Variants in MICAL3 observed in about 807,000 individuals in gnomAD.
MICAL3 encodes the protein microtubule associated monooxygenase, calponin and LIM domain containing 3.
In MICAL3, 62 loss-of-function variants were observed where a neutral mutation model predicts 207.4. The ratio of observed to expected loss-of-function variants is 0.30; its 90% CI spans 0.24 to 0.37. MICAL3 has a LOEUF of 0.37. MICAL3 is among the 10% of genes least tolerant of loss of function. MICAL3 has a pLI of 1.00. For missense variants in MICAL3, 2,368 were observed against 2,635.6 expected (o/e 0.90, Z 2.22); for synonymous variants, 1,077 against 1,069.3 (o/e 1.01, Z -0.14).
chr22:17,875,005 G>C (rs1282413904), intron 16 of MICAL3, among the ~76,000 whole-genome samples: 1 of 152,182 alleles, frequency 6.6e-6, no homozygotes, highest in Non-Finnish European at 1.5e-5. Flanking sequence ...TGACAGCCGC[G>C]TACATTCCTC....
At chr22:17,963,387 C>A (rs761497154) in intron 1 of MICAL3, among the ~76,000 whole-genome samples, 1 of 152,116 alleles carries the variant, frequency 6.6e-6, no homozygotes, top group Non-Finnish European at 1.5e-5. Context: ...GAAATGACAG[C>A]CATCTCCATT....
At chr22:17,830,050 C>T (rs1026554159) in intron 21 of MICAL3, among the ~76,000 whole-genome samples, 3 of 152,086 alleles carry the variant, frequency 2.0e-5, no homozygotes, top group African/African-American at 7.2e-5. Flanking sequence ...AAGGTGGGCA[C>T]GGGGTAAAGT....
Position 17,841,721 on chromosome 22 carries a change from C to G in MICAL3, c.2801+101G>C, listed in dbSNP as rs1924028082. ...AATGGACTGCGGGCAGCAGGAAAGA[C>G]AGGAGGCCTCCCTTCACTGAGAAGA... On this transcript the variant is annotated intron_variant, in intron 20 of 31. Coordinates refer to ENST00000441493, the MANE Select transcript of MICAL3 (RefSeq NM_015241.3). The surrounding 1 kb of genome is among the most constrained non-coding windows in gnomAD (Gnocchi z 4.2). 7 of 1,244,492 alleles carry G rather than the reference C, an allele frequency of 5.6e-6. No homozygotes were observed. The highest frequency in any genetic ancestry group is 7.9e-6 in the Non-Finnish European group (7 of 888,626). 77.1% of individuals were successfully genotyped at this position (1,244,492 alleles called of 1,614,324 possible). A position where few individuals can be genotyped will look rare whatever the true frequency, so the allele number is the denominator to read the frequency against.
chr22:18,019,426 G>A lies in MICAL3; in HGVS notation c.-75+4855C>T, dbSNP rs1924286792. On this transcript the variant is annotated intron_variant, in intron 1 of 31. Transcript: ENST00000441493. The stretch of plus-strand genomic sequence containing the variant: ...AAAGGGTGATCAGATCGAGCGCAGT[G>A]TCTCACGCCGGTAATCCCGGCACTT... 1.3e-5 allele frequency: 2 copies of A among 153,182 alleles called. 1 individual carries two copies. The highest frequency in any genetic ancestry group is 4.8e-5 in the African/African-American group (2 of 41,448). 9.5% of individuals were successfully genotyped at this position (153,182 alleles called of 1,614,324 possible).
At chr22:17,996,547 C>G (rs1392187603) in intron 1 of MICAL3, among the ~76,000 whole-genome samples, 1 of 152,078 alleles carries the variant, frequency 6.6e-6, no homozygotes, top group Non-Finnish European at 1.5e-5. Flanking sequence ...ATGACTAAAG[C>G]CCACCTCCAA....
intron 3 of MICAL3, among the ~76,000 whole-genome samples, chr22:17,903,848 A>T (rs956884740): frequency 1.3e-5 from 2 of 152,244 alleles, no homozygotes; most frequent in Non-Finnish European, 2.9e-5. Context: ...CATCTGGAGA[A>T]GCTCAGAACA....
chr22:17,976,589 A>ATTT lies in MICAL3; in HGVS notation c.-75+47689_-75+47691dup, dbSNP rs1195101695. On this transcript the variant is annotated intron_variant, in intron 1 of 31. Coordinates refer to ENST00000441493, the MANE Select transcript of MICAL3 (RefSeq NM_015241.3). ...TATATATATATATATATATATATAT[A>ATTT]TTTTTTTTTTTTTTTTTTGAGACAG... Among the ~76,000 whole-genome samples, 257 of 67,100 alleles carry ATTT rather than the reference A, an allele frequency of 3.8e-3. 7 individuals are homozygous for ATTT. The highest frequency in any genetic ancestry group is 0.013 in the East Asian group (21 of 1,630). 44.0% of individuals were successfully genotyped at this position (67,100 alleles called of 152,430 possible). A position where few individuals can be genotyped will look rare whatever the true frequency, so the allele number is the denominator to read the frequency against.
In MICAL3 at chr22:17,889,043, G is replaced by A. The variant is rs749339442; in HGVS notation, c.1882C>T (p.Pro628Ser). Residue 628 changes from proline (P) to serine (S), a missense_variant, in exon 13 of 32, where the codon CCC becomes TCC. This residue lies in a region of MICAL3 where 1,770 missense variants were observed against 1,863.2 expected (regional missense o/e 0.95). Transcript: ENST00000441493. The stretch of plus-strand genomic sequence containing the variant: ...TCCTTCCAGGCCTTACCGCTAGAGG[G>A]GAGGGAGTCCTTAAACATCTCGTAG... Reference protein sequence around the residue: ...QFYEMFKDSLPSSDTLDLNAE... With the variant: ...QFYEMFKDSLSSSDTLDLNAE... The A allele has an allele frequency of 1.9e-6, 3 of 1,604,116 alleles. No homozygotes were observed. The highest frequency in any genetic ancestry group is 1.3e-5 in the African/African-American group (1 of 74,730).
chr22:17,914,265 A>C (rs990528382), intron 1 of MICAL3, among the ~76,000 whole-genome samples: 7 of 134,988 alleles, frequency 5.2e-5, no homozygotes, highest in Non-Finnish European at 1.2e-4. Flanking sequence ...TGAGAATGGC[A>C]TTGGGTGGAG....
intron 1 of MICAL3, chr22:18,001,480 G>C (rs80118802): frequency 1.3e-5 from 2 of 152,298 alleles, no homozygotes; most frequent in East Asian, 1.9e-4. Flanking sequence ...CGTCCGGCGC[G>C]GTAGGTAGCA....
intron 28 of MICAL3, among the ~76,000 whole-genome samples, chr22:17,810,269 T>C (rs1028846537): frequency 3.9e-5 from 6 of 152,078 alleles, no homozygotes; most frequent in Admixed American, 6.6e-5. Context: ...TTCACCGTGT[T>C]AGCCAGGATG....
chr22:17,817,604 A>C lies in MICAL3; in HGVS notation c.5057T>G (p.Phe1686Cys), dbSNP rs772506728. The change falls in exon 26 of 32, where the codon TTC becomes TGC. Residue 1686 changes from phenylalanine to cysteine, a missense_variant. Coordinates refer to ENST00000441493, the MANE Select transcript of MICAL3 (RefSeq NM_015241.3). ...CCCACTGGAGCCCTCGGATGAAGTG[A>C]AAGAGCCATCTGGGCCCCCTGAGTC... ...PSDSGGPDGS[F>C]TSSEGSSGKS... 6.2e-7 allele frequency: 1 copy of C among 1,613,128 alleles called. No individual in the cohort carries two copies. The highest frequency in any genetic ancestry group is 1.3e-5 in the African/African-American group (1 of 74,964).
chr22:17,827,563 C>T, intron 22 of MICAL3, 81 bp downstream of exon 22: 1 of 1,454,932 alleles, frequency 6.9e-7, no homozygotes, highest in African/African-American at 1.4e-5. Context: ...TCTGCCCTGA[C>T]AGAAAGGCCC....
rs117274192 is a variant in MICAL3 at position 17,941,023 on chromosome 22, G to A, written c.-74-34137C>T. ...TAGGCCACGGGATGAACCCACTAAAGAAAGCATGAGATGCTCAGTTATGCC... is the reference window on the plus strand; with the variant it reads ...TAGGCCACGGGATGAACCCACTAAAAAAAGCATGAGATGCTCAGTTATGCC... On this transcript the variant is annotated intron_variant, in intron 1 of 31. Transcript: ENST00000441493. Among the ~76,000 whole-genome samples the A allele has an allele frequency of 8.5e-4, 129 of 152,244 alleles. 5 individuals are homozygous for A. In the East Asian group the frequency reaches 0.024, roughly 29 times the overall value.
rs143225356 is a variant in MICAL3, at chr22:17,968,642, A to G, written c.-75+55639T>C. On this transcript the variant is annotated intron_variant, in intron 1 of 31. Coordinates refer to ENST00000441493, the MANE Select transcript of MICAL3 (RefSeq NM_015241.3). ...TGAGAGCCGATACTCAAAGAGTGAT[A>G]TAATAATTACCACAACCACTAATGC... 7.9e-4 allele frequency among the ~76,000 whole-genome samples: 120 copies of G among 152,350 alleles called. No homozygotes were observed. The East Asian group carries it at 0.02, about 26-fold the overall frequency.
At chr22:17,918,845 T>C (rs1410208323) in intron 1 of MICAL3, among the ~76,000 whole-genome samples, 1 of 152,172 alleles carries the variant, frequency 6.6e-6, no homozygotes, top group Non-Finnish European at 1.5e-5. Context: ...GCATCTATTA[T>C]GGGCCGAGGA....
At chr22:17,921,350 G>A (rs1361162293) in intron 1 of MICAL3, among the ~76,000 whole-genome samples, 2 of 152,102 alleles carry the variant, frequency 1.3e-5, no homozygotes, top group Non-Finnish European at 2.9e-5. Flanking sequence ...AATCATCTTC[G>A]GAGAAAGGCA....
Position 17,928,453 on chromosome 22 carries a change from A to G in MICAL3, c.-74-21567T>C, listed in dbSNP as rs867849912. 3.2e-3 allele frequency among the ~76,000 whole-genome samples: 473 copies of G among 148,534 alleles called. 3 individuals carry two copies. Among genetic ancestry groups the G allele is most frequent in the South Asian group, 1.5e-3 (7 of 4,696 alleles). ...GACTCCGTCTCAAAAAAAAAGAAAG[A>G]AAGAAAGAAAGAAAGAAACACCTGT... On this transcript the variant is annotated intron_variant, in intron 1 of 31. Coordinates refer to ENST00000441493, the MANE Select transcript of MICAL3 (RefSeq NM_015241.3).
Position 17,986,822 on chromosome 22 carries a change from C to G in MICAL3, c.-75+37459G>C, listed in dbSNP as rs181894104. Among the ~76,000 whole-genome samples, 17 of 152,238 alleles carry G rather than the reference C, an allele frequency of 1.1e-4. 1 individual carries two copies. Among genetic ancestry groups the G allele is most frequent in the African/African-American group, 4.1e-4 (17 of 41,546 alleles). ...TCTTTTAAGTAGCCAAAAGAAAATG[C>G]CTTTTTGTCCTACATCAGAAATGGT... On this transcript the variant is annotated intron_variant, in intron 1 of 31. Coordinates refer to ENST00000441493, the MANE Select transcript of MICAL3 (RefSeq NM_015241.3).
Sources: gnomAD v4.1 joint callset for allele counts (sites outside exome capture counted in the v4.1 genomes callset) on GRCh38, gnomAD v4.1.1 for gene constraint, gnomAD v4.1.1 regional missense constraint, Gnocchi (gnomAD v3.1) non-coding constraint, MANE v1.5 for transcripts, NCBI Gene and HGNC (gene_info 2026-07-23, HGNC 2026-07-21) for gene names.